SCD5: variants seen among roughly 807,000 people sequenced by gnomAD.
SCD5 encodes the protein acyl-CoA-desaturase 4.
In SCD5, 20 loss-of-function variants were observed where a neutral mutation model predicts 30.4. The observed-to-expected ratio is 0.66, with a 90% CI of 0.46 to 0.96. SCD5 has a LOEUF of 0.96. Among genes scored for constraint, SCD5 ranks in the 40% least tolerant of loss-of-function variants. The probability of loss-of-function intolerance (pLI) is 0.00; values close to 1 mark genes in which losing one functional copy is unlikely to be tolerated. For missense variants in SCD5, 381 were observed against 443.3 expected, an observed-to-expected ratio of 0.86 and a Z score of 1.26; for synonymous variants, 173 against 176.4, an observed-to-expected ratio of 0.98 and a Z score of 0.16.
chr4:82,771,760 G>A lies in SCD5; in HGVS notation c.232+26546C>T, dbSNP rs1298189282. ...ATCCTTCAGGGACAAAAGGCTTTGAGTTCATTCCTTTTTTCTGAAATCTAA... is the reference window on the plus strand; with the variant it reads ...ATCCTTCAGGGACAAAAGGCTTTGAATTCATTCCTTTTTTCTGAAATCTAA... On this transcript the variant is annotated intron_variant, in intron 1 of 4. Transcript: ENST00000319540. Among the ~76,000 whole-genome samples, 11 of 152,236 alleles carry A rather than the reference G, an allele frequency of 7.2e-5. No homozygotes were observed. In the East Asian group the frequency reaches 2.1e-3, roughly 29 times the overall value.
At chr4:82,791,654 C>T (rs969375246) in intron 1 of SCD5, among the ~76,000 whole-genome samples, 1 of 152,158 alleles carries the variant, frequency 6.6e-6, no homozygotes, top group Non-Finnish European at 1.5e-5. Flanking sequence ...CAGCCTAATG[C>T]TGGTTGTACT....
chr4:82,677,916 C>T (rs1206735015), intron 3 of SCD5, among the ~76,000 whole-genome samples: 1 of 151,826 alleles, frequency 6.6e-6, no homozygotes, highest in East Asian at 1.9e-4. Context: ...TTTCCTGGGC[C>T]TAGGCAATTC....
chr4:82,698,534 T>C (rs1244698644), intron 2 of SCD5, among the ~76,000 whole-genome samples: 2 of 152,338 alleles, frequency 1.3e-5, no homozygotes, highest in East Asian at 3.9e-4. Context: ...ACTCCCTGCC[T>C]AAGACCTGGC....
chr4:82,798,419 C>A lies in SCD5; in HGVS notation c.119G>T (p.Gly40Val), dbSNP rs1722277144. The A allele has an allele frequency of 6.2e-7, 1 of 1,613,236 alleles. No homozygotes were observed. Among genetic ancestry groups the A allele is most frequent in the South Asian group, 1.1e-5 (1 of 91,064 alleles). ...CCTCCAGACGATGTTCTGCCGCTGC[C>A]CGCGCGCGCCTGGCCTCTCCGGGCC... ...GGGPERPGARGQRQNIVWRNV... is the reference protein window; with the variant it reads ...GGGPERPGARVQRQNIVWRNV... The change falls in exon 1 of 5, where the codon GGG becomes GTG. Residue 40 changes from glycine (G) to valine (V), a missense_variant. Transcript: ENST00000319540.
chr4:82,682,430 T>G (rs1235462664), intron 2 of SCD5, among the ~76,000 whole-genome samples: 1 of 151,906 alleles, frequency 6.6e-6, no homozygotes, highest in Non-Finnish European at 1.5e-5. Flanking sequence ...CTTTCAAAAC[T>G]TTGAGAAGAT....
chr4:82,710,768 G>GAT (rs1720065068), intron 1 of SCD5, among the ~76,000 whole-genome samples: 1 of 142,258 alleles, frequency 7.0e-6, no homozygotes, highest in Non-Finnish European at 1.5e-5. Context: ...TCTGAAGATA[G>GAT]ATAGGCAAAG....
At chr4:82,776,302 T>G (rs1421506324) in intron 1 of SCD5, among the ~76,000 whole-genome samples, 1 of 152,182 alleles carries the variant, frequency 6.6e-6, no homozygotes, top group Non-Finnish European at 1.5e-5. Flanking sequence ...TATTAAACCT[T>G]AACTCTTTTG....
At chr4:82,778,236 A>C (rs1721795447) in intron 1 of SCD5, among the ~76,000 whole-genome samples, 1 of 151,960 alleles carries the variant, frequency 6.6e-6, no homozygotes, top group Non-Finnish European at 1.5e-5. Context: ...GGGTGAGGGG[A>C]GGGAACTTAG....
chr4:82,730,384 C>A (rs1435861468), intron 1 of SCD5, among the ~76,000 whole-genome samples: 1 of 150,434 alleles, frequency 6.6e-6, no homozygotes, highest in Non-Finnish European at 1.5e-5. Flanking sequence ...GCAACCTCCG[C>A]TTCCCGGGTT....
At chr4:82,666,525 G>A (rs1812746) in intron 3 of SCD5, among the ~76,000 whole-genome samples, 39,055 of 146,918 alleles carry the variant, frequency 0.27, 5,526 homozygotes, top group East Asian at 0.38. Flanking sequence ...AAAAAAAAAA[G>A]AAAGAAAGAA....
chr4:82,698,892 A>G (rs1413416001), intron 2 of SCD5, among the ~76,000 whole-genome samples: 1 of 152,110 alleles, frequency 6.6e-6, no homozygotes, highest in Non-Finnish European at 1.5e-5. Flanking sequence ...TTGTTTGTTC[A>G]TTTGCTCACA....
intron 3 of SCD5, among the ~76,000 whole-genome samples, chr4:82,637,848 T>TC (rs1491552201): frequency 6.6e-6 from 1 of 152,128 alleles, no homozygotes; most frequent in Non-Finnish European, 1.5e-5. Flanking sequence ...TCTTTTTTTT[T>TC]CTTTCTTCTA....
chr4:82,746,742 A>T (rs1720990317), intron 1 of SCD5, among the ~76,000 whole-genome samples: 1 of 152,002 alleles, frequency 6.6e-6, no homozygotes, highest in East Asian at 1.9e-4. Flanking sequence ...ACTAACATTG[A>T]TACGGGAAAG....
chr4:82,788,940 C>T (rs1722042376), intron 1 of SCD5, among the ~76,000 whole-genome samples: 1 of 152,148 alleles, frequency 6.6e-6, no homozygotes, highest in African/African-American at 2.4e-5. Flanking sequence ...CCTAAAAGTA[C>T]CCTATCTCAA....
intron 3 of SCD5, among the ~76,000 whole-genome samples, chr4:82,655,544 A>G (rs1234164496): frequency 6.6e-6 from 1 of 152,230 alleles, no homozygotes; most frequent in Admixed American, 6.5e-5. Flanking sequence ...AATTAGGATG[A>G]AAACAAAAGT....
chr4:82,733,183 GA>G (rs1720679121), intron 1 of SCD5, among the ~76,000 whole-genome samples: 1 of 152,104 alleles, frequency 6.6e-6, no homozygotes, highest in Admixed American at 6.6e-5. Flanking sequence ...AGGACGACAG[GA>G]AAACAGGTCA....
intron 1 of SCD5, among the ~76,000 whole-genome samples, chr4:82,747,051 G>A (rs1345119259): frequency 7.3e-6 from 1 of 137,060 alleles, no homozygotes; most frequent in African/African-American, 2.6e-5. Context: ...GGCAGTTAGA[G>A]AAAAGTCTGG....
chr4:82,661,137 A>C, intron 3 of SCD5: 1 of 1,436,406 alleles, frequency 7.0e-7, no homozygotes, highest in Non-Finnish European at 9.7e-7. Context: ...GCAAGGGTTT[A>C]ATTTCTCTAG....
intron 3 of SCD5, among the ~76,000 whole-genome samples, chr4:82,666,535 A>G (rs1046003754): frequency 6.6e-6 from 1 of 152,124 alleles, no homozygotes; most frequent in African/African-American, 2.4e-5. Context: ...GAAAGAAAGA[A>G]AGAAAGAAAA....
Sources: allele counts gnomAD v4.1 joint callset (sites outside exome capture counted in the v4.1 genomes callset), GRCh38; gene constraint gnomAD v4.1.1; transcripts MANE v1.5; gene names NCBI Gene and HGNC (gene_info 2026-07-23, HGNC 2026-07-21).